The following SRBD1 variants were observed in gnomAD, a reference collection of about 807,000 sequenced individuals.
The protein encoded by SRBD1 is S1 RNA-binding domain-containing protein 1.
In SRBD1, 88 loss-of-function variants were observed where a neutral mutation model predicts 115.3. The observed-to-expected ratio is 0.76, with a 90% confidence interval of 0.64 to 0.91. The LOEUF (loss-of-function observed/expected upper bound fraction) is 0.91, where lower values mean the gene tolerates loss of function less well. SRBD1 is among the 40% of genes least tolerant of loss of function. The pLI is 0.00. For synonymous variants in SRBD1, 509 were observed against 407.7 expected (o/e 1.25, Z -2.99); for missense variants, 1,385 against 1,177.4 (o/e 1.18, Z -2.58).
intron 16 of SRBD1, among the ~76,000 whole-genome samples, chr2:45,424,258 C>T (rs1668088694): frequency 6.6e-6 from 1 of 152,066 alleles, no homozygotes; most frequent in Non-Finnish European, 1.5e-5. Context: ...AGATGGTTCC[C>T]AATGATCCTC....
At chr2:45,434,026 A>G (rs2103684038) in intron 16 of SRBD1, among the ~76,000 whole-genome samples, 2 of 152,350 alleles carry the variant, frequency 1.3e-5, no homozygotes, top group Middle Eastern at 3.4e-3. Flanking sequence ...GAGGGAAAAA[A>G]ATAAACAGGA....
At chr2:45,546,673 A>G (rs1301222509) in intron 14 of SRBD1, 59 bp downstream of exon 14, 6 of 1,531,486 alleles carry the variant, frequency 3.9e-6, no homozygotes, top group Admixed American at 1.7e-5. Flanking sequence ...ATTCATCACA[A>G]AAGCAACTTT....
intron 7 of SRBD1, among the ~76,000 whole-genome samples, chr2:45,578,710 G>A (rs1253702171): frequency 1.3e-5 from 2 of 152,148 alleles, no homozygotes; most frequent in South Asian, 2.1e-4. Context: ...GGGCGGGGTG[G>A]AAAGACGTAG....
chr2:45,389,432 G>C lies in SRBD1; in HGVS notation c.2866C>G (p.Leu956Val), dbSNP rs762166504. Residue 956 changes from leucine (L) to valine (V), a missense_variant, in exon 21 of 21, where the codon CTT becomes GTT. Physicochemically the swap from Leu to Val is conservative, Grantham distance 32. Coordinates refer to ENST00000263736, the MANE Select transcript of SRBD1 (RefSeq NM_018079.5). ...IPIRNVTEAK[L>V]SKTKKRRSLG... The stretch of plus-strand genomic sequence containing the variant: ...CTTCTTCTCTTCTTTGTTTTTGAAA[G>C]TTTTGCTTCTGTTACATTTCGTATG... 2.5e-6 allele frequency: 4 copies of C among 1,613,900 alleles called. No homozygotes were observed. The highest frequency in any genetic ancestry group is 2.2e-5 in the South Asian group (2 of 91,086).
chr2:45,395,219 C>T (rs1292978471), intron 19 of SRBD1, among the ~76,000 whole-genome samples: 1 of 152,202 alleles, frequency 6.6e-6, no homozygotes, highest in African/African-American at 2.4e-5. Context: ...GGCTTCTAAC[C>T]ATCTGTTAAA....
intron 14 of SRBD1, among the ~76,000 whole-genome samples, chr2:45,543,875 A>C (rs2104021170): frequency 6.6e-6 from 1 of 152,322 alleles, no homozygotes; most frequent in Admixed American, 6.5e-5. Context: ...ACACGGGTAG[A>C]TTTTAAAACC....
intron 18 of SRBD1, 106 bp downstream of exon 18, chr2:45,418,259 A>G (rs915507133): frequency 1.1e-5 from 14 of 1,326,390 alleles, no homozygotes; most frequent in Admixed American, 4.3e-5. Flanking sequence ...GAATGAAGGC[A>G]TGAACAATGG....
At chr2:45,429,579 T>C (rs1255541569) in intron 16 of SRBD1, among the ~76,000 whole-genome samples, 1 of 152,168 alleles carries the variant, frequency 6.6e-6, no homozygotes, top group Non-Finnish European at 1.5e-5. Context: ...AAAAGGCCTT[T>C]GATAAAATTC....
At position 45,389,484 on chromosome 2, in the gene SRBD1, TA is replaced by T. The variant is rs1438368309; in HGVS notation, c.2813del (p.Ile938LysfsTer8). 1.4e-5 allele frequency: 23 copies of T among 1,613,984 alleles called. No homozygotes were observed. The highest frequency in any genetic ancestry group is 1.9e-5 in the Non-Finnish European group (23 of 1,179,954). On this transcript the variant is annotated frameshift_variant, in exon 21 of 21. Coordinates refer to ENST00000263736, the MANE Select transcript of SRBD1 (RefSeq NM_018079.5). LOFTEE classifies it high-confidence loss of function. ...GAATCAGCCCAGATTTCCCCACTCC[TA>T]TATCCACAAAAATTCCAAAGAGAGT... ...NATLFGIFVD[I>X]GVGKSGLIPI... is the part of the protein sequence containing the mutation.
chr2:45,546,660 A>G, intron 14 of SRBD1, 72 bp downstream of exon 14: 1 of 1,389,118 alleles, frequency 7.2e-7, no homozygotes, highest in Non-Finnish European at 1.0e-6. Context: ...AAGAGAAGGG[A>G]GGATTCATCA....
chr2:45,440,904 G>C (rs1173451914), intron 16 of SRBD1, among the ~76,000 whole-genome samples: 1 of 152,150 alleles, frequency 6.6e-6, no homozygotes, highest in East Asian at 1.9e-4. Flanking sequence ...TTGTCTGTTT[G>C]AGGAGACAGA....
chr2:45,421,933 T>C (rs1668019951), intron 16 of SRBD1, among the ~76,000 whole-genome samples: 1 of 152,188 alleles, frequency 6.6e-6, no homozygotes, highest in South Asian at 2.1e-4. Flanking sequence ...AGTAAAACCT[T>C]AGATCTTACT....
At chr2:45,438,125 A>G (rs72616985) in intron 16 of SRBD1, among the ~76,000 whole-genome samples, 7,072 of 152,274 alleles carry the variant, frequency 0.046, 320 homozygotes, top group East Asian at 0.14. Flanking sequence ...GAAGATTTAT[A>G]TGGTAACTCT....
At chr2:45,545,029 G>A (rs1303231038) in intron 14 of SRBD1, among the ~76,000 whole-genome samples, 2 of 151,772 alleles carry the variant, frequency 1.3e-5, no homozygotes, top group Admixed American at 6.6e-5. Flanking sequence ...GCCTGTAATC[G>A]CAGCACTTTG....
In SRBD1 at chr2:45,438,809, A is replaced by G. The variant is rs543792079; in HGVS notation, c.2050-18915T>C. Among the ~76,000 whole-genome samples the G allele has an allele frequency of 5.3e-5, 8 of 152,230 alleles. No individual in the cohort carries two copies. In the South Asian group the frequency reaches 1.7e-3, roughly 32 times the overall value. The stretch of plus-strand genomic sequence containing the variant: ...GGGAAAGAGAGAATAGGGCAGATAA[A>G]TATTTGAAGTAGTAACAAAACTTTC... On this transcript the variant is annotated intron_variant, in intron 16 of 20. Transcript: ENST00000263736.
At chr2:45,544,524 C>A (rs939075296) in intron 14 of SRBD1, among the ~76,000 whole-genome samples, 3 of 151,826 alleles carry the variant, frequency 2.0e-5, no homozygotes, top group Non-Finnish European at 4.4e-5. Flanking sequence ...TACCACAGCA[C>A]CTATGGTGAG....
At chr2:45,451,954 A>T (rs546670475) in intron 16 of SRBD1, among the ~76,000 whole-genome samples, 1 of 151,990 alleles carries the variant, frequency 6.6e-6, no homozygotes, top group Non-Finnish European at 1.5e-5. Context: ...TTAATGTTTC[A>T]TTAAAATTTT....
intron 16 of SRBD1, among the ~76,000 whole-genome samples, chr2:45,460,575 T>C (rs1669283270): frequency 6.6e-6 from 1 of 152,202 alleles, no homozygotes; most frequent in African/African-American, 2.4e-5. Context: ...AAATAACTTA[T>C]GTTCTGCATT....
chr2:45,599,981 A>G, intron 3 of SRBD1, 146 bp from the exon 4 acceptor site: 2 of 971,814 alleles, frequency 2.1e-6, no homozygotes, highest in Admixed American at 2.9e-5. Flanking sequence ...GTGGGAAAAA[A>G]AGCCAATCTC....
Sources: allele counts gnomAD v4.1 joint callset (sites outside exome capture counted in the v4.1 genomes callset), GRCh38; gene constraint gnomAD v4.1.1; transcripts MANE v1.5; gene names NCBI Gene and HGNC (gene_info 2026-07-23, HGNC 2026-07-21).